Variants in DNAH9 observed in about 807,000 individuals in gnomAD.
DNAH9 encodes the protein DNAH9 variant protein.
Under a neutral mutation model 471.6 loss-of-function variants are expected in DNAH9, and 345 were observed. The ratio of observed to expected loss-of-function variants is 0.73; its 90% CI spans 0.67 to 0.80. The LOEUF is 0.80. Ranked by LOEUF, DNAH9 falls within the 30% of genes least tolerant of loss-of-function variation. DNAH9 has a pLI of 0.00. For missense variants in DNAH9, 5,407 were observed against 5,609.2 expected (o/e 0.96, Z 1.15); for synonymous variants, 2,093 against 2,123.6 (o/e 0.99, Z 0.40).
At chr17:11,604,877 C>A (rs1471910853) in intron 1 of DNAH9, among the ~76,000 whole-genome samples, 3 of 152,180 alleles carry the variant, frequency 2.0e-5, no homozygotes, top group African/African-American at 7.2e-5. Flanking sequence ...ACCTTTGCCC[C>A]TTAGAGCCTA....
At chr17:11,779,054 T>C (rs1005550972) in intron 38 of DNAH9, among the ~76,000 whole-genome samples, 3 of 151,920 alleles carry the variant, frequency 2.0e-5, no homozygotes, top group African/African-American at 4.8e-5. Flanking sequence ...AAGATGGCAG[T>C]GCAATAGTAT....
intron 15 of DNAH9, among the ~76,000 whole-genome samples, chr17:11,668,533 C>T (rs1159520172): frequency 4.6e-5 from 7 of 151,982 alleles, no homozygotes; most frequent in African/African-American, 1.2e-4. Flanking sequence ...GGCATAGTGT[C>T]GCATGCCTGT....
chr17:11,679,819 A>C lies in DNAH9; in HGVS notation c.3416A>C (p.Lys1139Thr). The change falls in exon 18 of 69, where the codon AAA becomes ACA. Residue 1139 changes from lysine to threonine, a missense_variant. Physicochemically the swap from Lys to Thr is moderately conservative, Grantham distance 78. Transcript: ENST00000262442. Reference sequence around the variant, plus strand: ...AGCGGCTTACTCAAGAAAGTTGAAAAAGGAGATTTCCAAGGCTTGGTTGAG... The same window carrying C: ...AGCGGCTTACTCAAGAAAGTTGAAACAGGAGATTTCCAAGGCTTGGTTGAG... ...SESGLLKKVE[K>T]GDFQGLVEIM... is the part of the protein sequence containing the mutation. The C allele has an allele frequency of 6.2e-7, 1 of 1,614,162 alleles. No homozygotes were observed.
chr17:11,812,059 A>ATACG (rs1491203098), intron 45 of DNAH9, among the ~76,000 whole-genome samples: 1 of 133,358 alleles, frequency 7.5e-6, no homozygotes, highest in African/African-American at 2.6e-5. Flanking sequence ...ATATATACAC[A>ATACG]TACATACACA....
intron 61 of DNAH9, 120 bp downstream of exon 61, chr17:11,905,929 C>T (rs756463530): frequency 8.6e-5 from 110 of 1,278,706 alleles, no homozygotes; most frequent in Non-Finnish European, 1.1e-4. Context: ...GCAAATCATA[C>T]AGAAGTCAGG....
intron 1 of DNAH9, among the ~76,000 whole-genome samples, chr17:11,603,088 A>G (rs1392938351): frequency 2.0e-5 from 3 of 152,208 alleles, no homozygotes; most frequent in Admixed American, 6.5e-5. Flanking sequence ...TGCAACCACA[A>G]TCCTGGTAAA....
chr17:11,736,780 C>T (rs903379920), intron 28 of DNAH9, among the ~76,000 whole-genome samples: 1 of 152,160 alleles, frequency 6.6e-6, no homozygotes, highest in African/African-American at 2.4e-5. Flanking sequence ...TCTTGCTGAG[C>T]GTGAGGTTTC....
At chr17:11,680,989 A>G in intron 19 of DNAH9, 100 bp downstream of exon 19, 1 of 1,127,074 alleles carries the variant, frequency 8.9e-7, no homozygotes, top group Non-Finnish European at 1.3e-6. Context: ...CAGCAGCTGC[A>G]GACCAGTTAA....
chr17:11,717,536 C>T (rs2074984657), intron 26 of DNAH9, among the ~76,000 whole-genome samples: 1 of 152,114 alleles, frequency 6.6e-6, no homozygotes, highest in Admixed American at 6.5e-5. Context: ...ATTTTGGACA[C>T]CCCCTCACAT....
chr17:11,862,535 A>G (rs890164358), intron 50 of DNAH9, among the ~76,000 whole-genome samples: 3 of 147,310 alleles, frequency 2.0e-5, no homozygotes, highest in African/African-American at 7.5e-5. Context: ...ACTTTAAAGT[A>G]GTTTTTTCCA....
intron 56 of DNAH9, chr17:11,884,483 T>C (rs1260841662): frequency 4.5e-6 from 2 of 448,678 alleles, no homozygotes; most frequent in African/African-American, 4.0e-5. Flanking sequence ...AGAGCATATC[T>C]GTAACAGTGT....
At chr17:11,708,132 G>T (rs2074761195) in intron 26 of DNAH9, among the ~76,000 whole-genome samples, 1 of 151,596 alleles carries the variant, frequency 6.6e-6, no homozygotes. Context: ...CCTCCTCCTT[G>T]TTGGCATTCC....
Position 11,698,709 on chromosome 17 carries a change from G to C in DNAH9, c.4873-1022G>C, listed in dbSNP as rs554918201. On this transcript the variant is annotated intron_variant, in intron 22 of 68. Transcript: ENST00000262442. ...GTAATTATTCAAGAAGCTCTACCAG[G>C]GGGCAGGTTCTGTTTATTCTTTTTC... Among the ~76,000 whole-genome samples the C allele has an allele frequency of 2.6e-5, 4 of 152,098 alleles. No individual in the cohort carries two copies. The East Asian group carries it at 7.8e-4, about 30-fold the overall frequency.
At chr17:11,871,573 T>G (rs1272642775) in intron 51 of DNAH9, 25 bp from the exon 52 acceptor site, 1 of 1,609,082 alleles carries the variant, frequency 6.2e-7, no homozygotes, top group South Asian at 1.1e-5. Context: ...ACGCCTCCTC[T>G]CCTCTCTGGC....
At chr17:11,926,295 C>T (rs1974325716) in intron 62 of DNAH9, among the ~76,000 whole-genome samples, 1 of 151,788 alleles carries the variant, frequency 6.6e-6, no homozygotes, top group Non-Finnish European at 1.5e-5. Flanking sequence ...GCAGGATGTG[C>T]AGGTTTGTTC....
intron 10 of DNAH9, among the ~76,000 whole-genome samples, chr17:11,644,284 G>A (rs150378233): frequency 6.6e-6 from 1 of 152,266 alleles, no homozygotes; most frequent in East Asian, 1.9e-4. Context: ...GAAAATTACA[G>A]CACCTAGAAT....
chr17:11,963,795 T>C (rs1454656387), intron 68 of DNAH9, among the ~76,000 whole-genome samples: 1 of 152,220 alleles, frequency 6.6e-6, no homozygotes, highest in African/African-American at 2.4e-5. Flanking sequence ...AATGTATTCA[T>C]TCATTCCATA....
chr17:11,889,732 C>G (rs1268767654), intron 57 of DNAH9, among the ~76,000 whole-genome samples: 1 of 152,172 alleles, frequency 6.6e-6, no homozygotes, highest in East Asian at 1.9e-4. Context: ...GTGAGTAAGG[C>G]CTGGGCCCCA....
chr17:11,768,641 G>A lies in DNAH9; in HGVS notation c.7344+15G>A. ...TGCCCTTGCAGGTGAGTGCAGCTGA[G>A]CAGCCGAGGACGTGCGTGCAGTTGC... On this transcript the variant is annotated intron_variant, in intron 37 of 68. Transcript: ENST00000262442. 2 of 1,612,332 alleles carry A rather than the reference G, an allele frequency of 1.2e-6. No homozygotes were observed.
Sources: allele counts gnomAD v4.1 joint callset (sites outside exome capture counted in the v4.1 genomes callset), GRCh38; gene constraint gnomAD v4.1.1; transcripts MANE v1.5; gene names NCBI Gene and HGNC (gene_info 2026-07-23, HGNC 2026-07-21).